Variants in CNBD1 observed in about 807,000 individuals in gnomAD.
CNBD1 encodes the protein cyclic nucleotide binding domain containing 1.
CNBD1 carries 71 observed loss-of-function variants against 54.4 expected under a neutral mutation model. The observed-to-expected ratio is 1.30, with a 90% CI of 1.08 to 1.59. The LOEUF is 1.59. Among genes scored for constraint, CNBD1 ranks in the 40% most tolerant of loss-of-function variants. The pLI is 0.00. For synonymous variants in CNBD1, 182 were observed against 170.7 expected (o/e 1.07, Z -0.51); for missense variants, 659 against 518.0 (o/e 1.27, Z -2.64).
At chr8:87,316,554 A>G (rs1809392319) in intron 8 of CNBD1, among the ~76,000 whole-genome samples, 1 of 152,022 alleles carries the variant, frequency 6.6e-6, no homozygotes, top group Admixed American at 6.6e-5. Context: ...AAAAGTTTAT[A>G]CTACCAATAT....
At chr8:87,263,223 A>G (rs1808177724) in intron 6 of CNBD1, among the ~76,000 whole-genome samples, 1 of 152,160 alleles carries the variant, frequency 6.6e-6, no homozygotes, top group Non-Finnish European at 1.5e-5. Context: ...GATGACTACA[A>G]TTTATTTCTC....
Position 87,102,591 on chromosome 8 carries a change from G to A in CNBD1, c.432-103402G>A, listed in dbSNP as rs544310134. ...CTGACATTTGAAAGACATTTGGAAT[G>A]TGGAGGCAGCAGGACTTTTTTTTGT... On this transcript the variant is annotated intron_variant, in intron 4 of 10. Coordinates refer to ENST00000518476, the MANE Select transcript of CNBD1 (RefSeq NM_173538.3). Among the ~76,000 whole-genome samples, 9 of 152,116 alleles carry A rather than the reference G, an allele frequency of 5.9e-5. No homozygotes were observed. In the South Asian group the frequency reaches 1.7e-3, roughly 28 times the overall value.
intron 4 of CNBD1, among the ~76,000 whole-genome samples, chr8:87,125,580 A>T (rs2130720394): frequency 6.6e-6 from 1 of 151,994 alleles, no homozygotes; most frequent in South Asian, 2.1e-4. Flanking sequence ...AATGTTATTC[A>T]CAAATTTCTT....
chr8:86,943,054 A>T (rs532460118), intron 4 of CNBD1, among the ~76,000 whole-genome samples: 226 of 149,784 alleles, frequency 1.5e-3, no homozygotes, highest in South Asian at 2.3e-3. Context: ...ACTAAAATTA[A>T]AAAAAAAAAA....
chr8:86,964,462 C>G (rs1808018357), intron 4 of CNBD1, among the ~76,000 whole-genome samples: 1 of 152,156 alleles, frequency 6.6e-6, no homozygotes, highest in Non-Finnish European at 1.5e-5. Flanking sequence ...CAGCAGTGGT[C>G]AGGGTTTGAT....
intron 5 of CNBD1, among the ~76,000 whole-genome samples, chr8:87,225,129 T>G (rs1280161781): frequency 4.0e-5 from 6 of 150,546 alleles, no homozygotes; most frequent in Admixed American, 6.6e-5. Flanking sequence ...CTTATCAGCT[T>G]AAGGAGATTT....
chr8:86,900,674 A>G (rs1274577532), intron 2 of CNBD1, among the ~76,000 whole-genome samples: 1 of 152,176 alleles, frequency 6.6e-6, no homozygotes, highest in African/African-American at 2.4e-5. Context: ...CCTTTTCTAA[A>G]GATAAAAAAA....
chr8:86,974,756 T>G (rs115639470), intron 4 of CNBD1, among the ~76,000 whole-genome samples: 1 of 152,036 alleles, frequency 6.6e-6, no homozygotes, highest in Admixed American at 6.6e-5. Context: ...TGATGAATTA[T>G]AAAGAAAATC....
At chr8:87,039,511 G>C (rs1041829706) in intron 4 of CNBD1, among the ~76,000 whole-genome samples, 41 of 152,138 alleles carry the variant, frequency 2.7e-4, no homozygotes, top group Middle Eastern at 6.8e-3. Context: ...CCCTTTCTAA[G>C]AAACTGCTTT....
At chr8:87,097,405 G>A (rs996444922) in intron 4 of CNBD1, among the ~76,000 whole-genome samples, 1 of 152,102 alleles carries the variant, frequency 6.6e-6, no homozygotes, top group African/African-American at 2.4e-5. Context: ...TCATATCCAA[G>A]AGTGACTGAC....
chr8:87,296,775 C>G (rs1042013447), intron 8 of CNBD1, among the ~76,000 whole-genome samples: 1 of 151,876 alleles, frequency 6.6e-6, no homozygotes, highest in African/African-American at 2.4e-5. Context: ...CATAAAGTAT[C>G]ATGGTGTAAT....
chr8:87,321,283 G>C (rs62526761), intron 8 of CNBD1, among the ~76,000 whole-genome samples: 7,314 of 152,082 alleles, frequency 0.048, 216 homozygotes, highest in Non-Finnish European at 0.06. Flanking sequence ...GCAACATTTC[G>C]CATTATCACC....
At position 87,428,278 on chromosome 8, in the gene CNBD1, C is replaced by A. The variant is rs1466382682; in HGVS notation, c.214-268C>A. Among the ~76,000 whole-genome samples, 4 of 152,222 alleles carry A rather than the reference C, an allele frequency of 2.6e-5. No individual in the cohort carries two copies. In the East Asian group the frequency reaches 5.8e-4, roughly 22 times the overall value. ...CTTTGAGGTAGAAAACCACTAATGTCTGCCACATGTTAAGTACTAAACAAT... is the reference window on the plus strand; with the variant it reads ...CTTTGAGGTAGAAAACCACTAATGTATGCCACATGTTAAGTACTAAACAAT... On this transcript the variant is annotated intron_variant, in intron 2 of 7. Coordinates refer to the CNBD1 transcript ENST00000521593.
Position 87,382,693 on chromosome 8 carries a change from T to C in CNBD1, c.*66T>C, listed in dbSNP as rs1332517648. Reference sequence around the variant, plus strand: ...TGACTAAATAATGGAATAATTGCATTCTGGAATACTATCAAACTACCAGCA... The same window carrying C: ...TGACTAAATAATGGAATAATTGCATCCTGGAATACTATCAAACTACCAGCA... On this transcript the variant is annotated 3_prime_UTR_variant, in exon 11 of 11. Transcript: ENST00000518476. 6.8e-6 allele frequency: 8 copies of C among 1,182,428 alleles called. No homozygotes were observed. The highest frequency in any genetic ancestry group is 8.5e-6 in the Non-Finnish European group (7 of 825,232). 73.2% of individuals were successfully genotyped at this position (1,182,428 alleles called of 1,614,324 possible).
At chr8:87,332,366 A>G (rs1586021687) in intron 8 of CNBD1, among the ~76,000 whole-genome samples, 1 of 148,782 alleles carries the variant, frequency 6.7e-6, no homozygotes, top group African/African-American at 2.5e-5. Context: ...AAAAAAAAAA[A>G]GAAACTCTTT....
At chr8:87,331,261 G>A (rs1194978888) in intron 8 of CNBD1, among the ~76,000 whole-genome samples, 3 of 152,130 alleles carry the variant, frequency 2.0e-5, no homozygotes, top group African/African-American at 4.8e-5. Flanking sequence ...CCCGATGTGT[G>A]TCCATGTGTT....
At chr8:86,995,821 C>G (rs1395557585) in intron 4 of CNBD1, among the ~76,000 whole-genome samples, 1 of 152,026 alleles carries the variant, frequency 6.6e-6, no homozygotes, top group Non-Finnish European at 1.5e-5. Context: ...AACTGAAAGG[C>G]AGATTCCTAA....
intron 5 of CNBD1, among the ~76,000 whole-genome samples, chr8:87,217,992 A>G (rs1814250071): frequency 6.6e-6 from 1 of 152,046 alleles, no homozygotes; most frequent in Non-Finnish European, 1.5e-5. Context: ...GTCAGAAAAA[A>G]CACCTTCTTT....
chr8:86,891,602 G>GT (rs1384359445), intron 2 of CNBD1, among the ~76,000 whole-genome samples: 3 of 151,900 alleles, frequency 2.0e-5, no homozygotes, highest in Non-Finnish European at 4.4e-5. Context: ...TTTCAGAATT[G>GT]TTTTTTCTAT....
Sources: allele counts gnomAD v4.1 joint callset (sites outside exome capture counted in the v4.1 genomes callset), GRCh38; gene constraint gnomAD v4.1.1; transcripts MANE v1.5; gene names NCBI Gene and HGNC (gene_info 2026-07-23, HGNC 2026-07-21).